Variants in LRRC75A observed in about 807,000 individuals in gnomAD.
LRRC75A encodes the protein leucine rich repeat containing 75A.
Under a neutral mutation model 26.0 loss-of-function variants are expected in LRRC75A, and 12 were observed. That is an observed-to-expected ratio of 0.46 (90% CI 0.30 to 0.75). LRRC75A has a LOEUF of 0.75. Ranked by LOEUF, LRRC75A falls within the 30% of genes least tolerant of loss-of-function variation. LRRC75A has a pLI of 0.08. For missense variants in LRRC75A, 410 were observed against 486.6 expected (o/e 0.84, Z 1.48); for synonymous variants, 223 against 219.3 (o/e 1.02, Z -0.15).
At chr17:16,471,134 G>A (rs2093804634) in intron 1 of LRRC75A, among the ~76,000 whole-genome samples, 1 of 152,204 alleles carries the variant, frequency 6.6e-6, no homozygotes, top group Admixed American at 6.5e-5. Context: ...GGTTTATCCA[G>A]GTGGGCCCTG....
chr17:16,459,327 C>CCTA lies in LRRC75A; in HGVS notation c.375+2928_375+2930dup, dbSNP rs564427547. Among the ~76,000 whole-genome samples, 180 of 152,230 alleles carry CCTA rather than the reference C, an allele frequency of 1.2e-3. 2 individuals are homozygous for CCTA. The highest frequency in any genetic ancestry group is 3.9e-3 in the African/African-American group (164 of 41,524). On this transcript the variant is annotated intron_variant, in intron 2 of 3. Coordinates refer to ENST00000470794, the MANE Select transcript of LRRC75A (RefSeq NM_001113567.3). ...GGGCTCGAGACAGGCTGATCAGGAG[C>CCTA]CTACACTAGGCAGGCTTGTCAACGA... is the stretch of plus-strand genomic sequence containing the variant.
chr17:16,444,458 C>T (rs116347853), intron 3 of LRRC75A, among the ~76,000 whole-genome samples: 33 of 152,286 alleles, frequency 2.2e-4, no homozygotes, highest in African/African-American at 6.7e-4. Flanking sequence ...GTATAGTAGG[C>T]GAGTGAGGAA....
At position 16,443,649 on chromosome 17, in the gene LRRC75A, G is replaced by T; in HGVS notation, c.974C>A (p.Pro325His). 1 of 1,561,170 alleles carries T rather than the reference G, an allele frequency of 6.4e-7. No homozygotes were observed. The highest frequency in any genetic ancestry group is 8.7e-7 in the Non-Finnish European group (1 of 1,152,124). The change falls in exon 4 of 4, where the codon CCT becomes CAT. Residue 325 changes from proline to histidine, a missense_variant. Transcript: ENST00000470794. ...TVGQEDPGGG[P>H]VAPAEDHHEG... ...ATGGTGGTCTTCGGCAGGTGCCACA[G>T]GGCCCCCTCCAGGGTCCTCCTGGCC...
chr17:16,459,589 T>C (rs901666368), intron 2 of LRRC75A, among the ~76,000 whole-genome samples: 1 of 152,236 alleles, frequency 6.6e-6, no homozygotes, highest in Non-Finnish European at 1.5e-5. Flanking sequence ...TTGTTTAAAC[T>C]ACAGCACAGC....
At chr17:16,475,586 C>T (rs1209641568) in intron 1 of LRRC75A, among the ~76,000 whole-genome samples, 1 of 152,180 alleles carries the variant, frequency 6.6e-6, no homozygotes, top group African/African-American at 2.4e-5. Context: ...CAGAGTCTCT[C>T]TGTCACCCAG....
chr17:16,464,270 G>A (rs923027768), intron 1 of LRRC75A, among the ~76,000 whole-genome samples: 2 of 152,204 alleles, frequency 1.3e-5, no homozygotes, highest in African/African-American at 4.8e-5. Flanking sequence ...GTCTGTCATG[G>A]ATGCAGTCAG....
chr17:16,468,898 T>C (rs1376499665), intron 1 of LRRC75A, among the ~76,000 whole-genome samples: 2 of 152,086 alleles, frequency 1.3e-5, no homozygotes, highest in African/African-American at 4.8e-5. Flanking sequence ...CAGGCAAACA[T>C]AGACACCTTC....
At chr17:16,483,300 C>A (rs1445575543) in intron 1 of LRRC75A, among the ~76,000 whole-genome samples, 2 of 152,216 alleles carry the variant, frequency 1.3e-5, no homozygotes, top group Non-Finnish European at 2.9e-5. Flanking sequence ...GGCCTCTGCC[C>A]CTGGCACCAT....
At chr17:16,444,266 A>G (rs1038711056) in intron 3 of LRRC75A, 135 bp from the exon 4 acceptor site, 7 of 727,532 alleles carry the variant, frequency 9.6e-6, no homozygotes, top group Middle Eastern at 3.7e-4. Context: ...CGGATGCCAC[A>G]AGTGCAGAGG....
chr17:16,447,819 G>T, intron 3 of LRRC75A, 26 bp downstream of exon 3: 2 of 1,494,178 alleles, frequency 1.3e-6, no homozygotes, highest in South Asian at 2.5e-5. Context: ...GCCTGGCATA[G>T]ACCTGCCCGG....
intron 1 of LRRC75A, among the ~76,000 whole-genome samples, chr17:16,488,557 C>T (rs1189476009): frequency 6.6e-6 from 1 of 152,220 alleles, no homozygotes; most frequent in East Asian, 1.9e-4. Flanking sequence ...TACCCCAGAT[C>T]CCTCTTTGGG....
chr17:16,444,380 A>G (rs1337537948), intron 3 of LRRC75A, among the ~76,000 whole-genome samples: 1 of 152,188 alleles, frequency 6.6e-6, no homozygotes, highest in African/African-American at 2.4e-5. Context: ...TATTTACCAG[A>G]AAAATTGAGT....
chr17:16,472,217 CCT>C (rs1417905297), intron 1 of LRRC75A, among the ~76,000 whole-genome samples: 1 of 152,038 alleles, frequency 6.6e-6, no homozygotes, highest in African/African-American at 2.4e-5. Flanking sequence ...CCTCTGGCCC[CCT>C]GTGACTCTTC....
At chr17:16,446,016 C>G (rs1409454098) in intron 3 of LRRC75A, among the ~76,000 whole-genome samples, 1 of 152,258 alleles carries the variant, frequency 6.6e-6, no homozygotes, top group Non-Finnish European at 1.5e-5. Context: ...TCAAGTGATT[C>G]TCCTGCCTCA....
Position 16,443,393 on chromosome 17 carries a change from G to A in LRRC75A, c.*195C>T. The A allele has an allele frequency of 1.8e-6, 1 of 552,188 alleles. No individual in the cohort carries two copies. Among genetic ancestry groups the A allele is most frequent in the East Asian group, 2.9e-5 (1 of 34,512 alleles). 34.2% of individuals were successfully genotyped at this position (552,188 alleles called of 1,614,324 possible). ...ATGGCAGATAATGGGATAGGGGGCA[G>A]ATGCAGAGGACCAACGGGAAGTTTT... On this transcript the variant is annotated 3_prime_UTR_variant, in exon 4 of 4. Coordinates refer to ENST00000470794, the MANE Select transcript of LRRC75A (RefSeq NM_001113567.3).
At chr17:16,490,001 C>G (rs907660153) in intron 1 of LRRC75A, among the ~76,000 whole-genome samples, 3 of 152,176 alleles carry the variant, frequency 2.0e-5, no homozygotes, top group Admixed American at 1.3e-4. Flanking sequence ...CTTATCTACT[C>G]TCCCTCAAGG....
intron 1 of LRRC75A, among the ~76,000 whole-genome samples, chr17:16,476,967 T>C (rs2093822208): frequency 6.6e-6 from 1 of 151,262 alleles, no homozygotes; most frequent in African/African-American, 2.4e-5. Context: ...CTCAATCTCC[T>C]GACCTTGTGA....
chr17:16,486,180 G>T (rs1033649046), intron 1 of LRRC75A, among the ~76,000 whole-genome samples: 8 of 152,148 alleles, frequency 5.3e-5, no homozygotes, highest in African/African-American at 1.7e-4. Flanking sequence ...AATGACACTG[G>T]GGGGAGGGGA....
chr17:16,444,566 T>C (rs543079982), intron 3 of LRRC75A, among the ~76,000 whole-genome samples: 1 of 152,274 alleles, frequency 6.6e-6, no homozygotes, highest in South Asian at 2.1e-4. Flanking sequence ...AAAGGATCTC[T>C]GAGTCCCCTC....
Sources: gnomAD v4.1 joint callset for allele counts (sites outside exome capture counted in the v4.1 genomes callset) on GRCh38, gnomAD v4.1.1 for gene constraint, MANE v1.5 for transcripts, NCBI Gene and HGNC (gene_info 2026-07-23, HGNC 2026-07-21) for gene names.